ZNF106: variants seen among roughly 807,000 people sequenced by gnomAD.
ZNF106 encodes zinc finger protein 106.
A neutral mutation model predicts 195.1 loss-of-function variants in ZNF106; 67 were observed. The ratio of observed to expected loss-of-function variants is 0.34; its 90% CI spans 0.28 to 0.42. The LOEUF (loss-of-function observed/expected upper bound fraction) is 0.42. Ranked by LOEUF, ZNF106 falls within the 10% of genes least tolerant of loss-of-function variation. The pLI, the probability that ZNF106 is intolerant of heterozygous loss-of-function variation, is 1.00. For missense variants in ZNF106, 2,118 were observed against 2,304.5 expected (o/e 0.92, Z 1.66); for synonymous variants, 784 against 818.6 (o/e 0.96, Z 0.72).
rs1475295869 is a variant in ZNF106, at chr15:42,451,927, T to C, written c.345A>G (p.Gln115=). 2.5e-6 allele frequency: 4 copies of C among 1,612,192 alleles called. No homozygotes were observed. In the Admixed American group the frequency reaches 6.7e-5, roughly 27 times the overall value. Reference sequence around the variant, plus strand: ...GTCGTCTGTCATCAGAGTTTATTTCTTGGTTGCTATTGGAAGGTTCATCTT... The same window carrying C: ...GTCGTCTGTCATCAGAGTTTATTTCCTGGTTGCTATTGGAAGGTTCATCTT... ...SRQDEPSNSN[Q]EINSDDRRPQ... Residue 115 remains glutamine (Q), a synonymous_variant, in exon 5 of 22, where the codon CAA becomes CAG. Coordinates refer to ENST00000564754, the MANE Select transcript of ZNF106 (RefSeq NM_001366845.3).
intron 3 of ZNF106, chr15:42,457,566 TTAGTC>T (rs2056270957): frequency 9.7e-7 from 1 of 1,026,146 alleles, no homozygotes; most frequent in Non-Finnish European, 1.2e-6. Context: ...CATTTAATCT[TTAGTC>T]TAGAGCTTTC....
intron 13 of ZNF106, among the ~76,000 whole-genome samples, chr15:42,436,799 A>G (rs576710201): frequency 9.9e-5 from 15 of 152,096 alleles, no homozygotes; most frequent in African/African-American, 3.6e-4. Context: ...TCCCTCCTCT[A>G]TTATGTAGCT....
intron 15 of ZNF106, 23 bp downstream of exon 15, chr15:42,427,995 C>T (rs771960081): frequency 1.3e-6 from 2 of 1,591,890 alleles, no homozygotes; most frequent in African/African-American, 1.3e-5. Context: ...GGGAAGTAAG[C>T]CTTTTCTCCT....
chr15:42,461,506 A>G (rs2056391075), intron 3 of ZNF106, among the ~76,000 whole-genome samples: 1 of 152,230 alleles, frequency 6.6e-6, no homozygotes. Flanking sequence ...ACCCGACAAC[A>G]GCTGCTGAAT....
At chr15:42,446,533 CCCAAAAAAAA>C in intron 7 of ZNF106, 46 bp downstream of exon 7, 1 of 1,458,884 alleles carries the variant, frequency 6.9e-7, no homozygotes, top group Admixed American at 2.0e-5. Flanking sequence ...ACCCGCACCC[CCCAAAAAAAA>C]CCAAAAAACA....
chr15:42,475,980 CCAA>C (rs2056777077), intron 1 of ZNF106, among the ~76,000 whole-genome samples: 1 of 151,978 alleles, frequency 6.6e-6, no homozygotes, highest in Admixed American at 6.6e-5. Context: ...TTTGACAAAG[CCAA>C]CAACATCAAC....
At chr15:42,454,783 C>T (rs1368508934) in intron 4 of ZNF106, among the ~76,000 whole-genome samples, 1 of 151,416 alleles carries the variant, frequency 6.6e-6, no homozygotes, top group Non-Finnish European at 1.5e-5. Flanking sequence ...CCTGTAGTTC[C>T]AGCTTCTCGG....
At chr15:42,441,847 T>C in intron 10 of ZNF106, 1 of 374,498 alleles carries the variant, frequency 2.7e-6, no homozygotes, top group Non-Finnish European at 4.8e-6. Flanking sequence ...CAAAGTCAAC[T>C]CTAACCCTAG....
At chr15:42,446,167 AC>A (rs1434205913) in intron 7 of ZNF106, among the ~76,000 whole-genome samples, 1 of 152,248 alleles carries the variant, frequency 6.6e-6, no homozygotes, top group Non-Finnish European at 1.5e-5. Context: ...AGGAAATCAA[AC>A]TTTTCTTTCC....
At chr15:42,473,008 A>G (rs1292852226) in intron 1 of ZNF106, among the ~76,000 whole-genome samples, 4 of 128,840 alleles carry the variant, frequency 3.1e-5, no homozygotes, top group South Asian at 2.3e-4. Context: ...TCCAACTTTG[A>G]AAAAAAAAAA....
chr15:42,426,243 T>C (rs1039682139), intron 15 of ZNF106, among the ~76,000 whole-genome samples: 8 of 152,144 alleles, frequency 5.3e-5, no homozygotes, highest in Non-Finnish European at 1.2e-4. Flanking sequence ...ATCTTCAAAA[T>C]TCACATCTAT....
chr15:42,472,750 G>A (rs567717149), intron 1 of ZNF106, among the ~76,000 whole-genome samples: 4 of 152,104 alleles, frequency 2.6e-5, no homozygotes, highest in Non-Finnish European at 4.4e-5. Flanking sequence ...AGGGGCTCAC[G>A]CCTGTAATCC....
chr15:42,442,428 C>G lies in ZNF106; in HGVS notation c.3422-14G>C. 6.3e-7 allele frequency: 1 copy of G among 1,577,086 alleles called. No homozygotes were observed. Among genetic ancestry groups the G allele is most frequent in the Non-Finnish European group, 8.6e-7 (1 of 1,159,248 alleles). ...GTTCATATGTTTCTAGAATGGGAAA[C>G]ATACATACATAGAAATGCAAAAATG... is the stretch of plus-strand genomic sequence containing the variant. On this transcript the variant is annotated splice_polypyrimidine_tract_variant and intron_variant, in intron 9 of 21. Coordinates refer to ENST00000564754, the MANE Select transcript of ZNF106 (RefSeq NM_001366845.3).
intron 14 of ZNF106, among the ~76,000 whole-genome samples, chr15:42,434,155 T>A (rs1000179648): frequency 3.9e-5 from 6 of 152,060 alleles, no homozygotes; most frequent in Non-Finnish European, 7.4e-5. Context: ...CCTAGAAATG[T>A]AAATTTGGGA....
At chr15:42,472,403 T>C (rs1389572708) in intron 1 of ZNF106, 82 bp from the exon 2 acceptor site, 2 of 1,025,288 alleles carry the variant, frequency 2.0e-6, no homozygotes, top group African/African-American at 1.6e-5. Flanking sequence ...AAATTACAAG[T>C]CTTATCTTCC....
At chr15:42,442,472 G>A in intron 9 of ZNF106, 58 bp from the exon 10 acceptor site, 1 of 1,403,074 alleles carries the variant, frequency 7.1e-7, no homozygotes, top group Non-Finnish European at 9.7e-7. Context: ...AAAGTCATTT[G>A]TGTCTGAGCT....
At chr15:42,418,093 C>A in intron 20 of ZNF106, 142 bp from the exon 21 acceptor site, 1 of 940,840 alleles carries the variant, frequency 1.1e-6, no homozygotes. Context: ...CTAGAAAAGA[C>A]AACAAAGCCA....
chr15:42,484,509 C>A (rs1419234883), intron 1 of ZNF106, among the ~76,000 whole-genome samples: 1 of 152,178 alleles, frequency 6.6e-6, no homozygotes, highest in Non-Finnish European at 1.5e-5. Flanking sequence ...CGCCTGTAAT[C>A]CCAGTACTTT....
chr15:42,451,146 G>C lies in ZNF106; in HGVS notation c.1126C>G (p.Pro376Ala), dbSNP rs1222326945. 1 of 1,614,022 alleles carries C rather than the reference G, an allele frequency of 6.2e-7. No individual in the cohort carries two copies. The highest frequency in any genetic ancestry group is 8.5e-7 in the Non-Finnish European group (1 of 1,180,044). Residue 376 changes from proline (P) to alanine (A), a missense_variant, in exon 5 of 22, where the codon CCT becomes GCT. Pro to Ala is a conservative substitution (Grantham distance 27, BLOSUM62 -1). Transcript: ENST00000564754. ...REKPRRWTPY[P>A]SQKTLDLQSG... ...TGTAAATCCAGAGTCTTCTGAGAAGGGTAAGGCGTCCAGCGACGAGGCTTT... is the reference window on the plus strand; with the variant it reads ...TGTAAATCCAGAGTCTTCTGAGAAGCGTAAGGCGTCCAGCGACGAGGCTTT...
Sources: allele counts gnomAD v4.1 joint callset (sites outside exome capture counted in the v4.1 genomes callset), GRCh38; gene constraint gnomAD v4.1.1; transcripts MANE v1.5; gene names NCBI Gene and HGNC (gene_info 2026-07-23, HGNC 2026-07-21).